The following SOX6 variants were observed in gnomAD, a reference collection of about 807,000 sequenced individuals.
The protein encoded by SOX6 is transcription factor SOX-6.
A neutral mutation model predicts 97.8 loss-of-function variants in SOX6; 11 were observed. That is an observed-to-expected ratio of 0.11 (90% CI 0.07 to 0.19). SOX6 has a LOEUF of 0.19. SOX6 is among the 10% of genes least tolerant of loss of function. The probability of loss-of-function intolerance (pLI) is 1.00; values close to 1 mark genes in which losing one functional copy is unlikely to be tolerated. For missense variants in SOX6, 810 were observed against 1,039.5 expected (o/e 0.78, Z 3.04); for synonymous variants, 360 against 371.4 (o/e 0.97, Z 0.35).
At chr11:16,375,832 C>T (rs962696515) in intron 1 of SOX6, among the ~76,000 whole-genome samples, 5 of 152,076 alleles carry the variant, frequency 3.3e-5, no homozygotes, top group African/African-American at 1.2e-4. Context: ...CACATATACA[C>T]CATGGAATAC....
chr11:16,365,551 AG>A (rs1203868760), intron 1 of SOX6, among the ~76,000 whole-genome samples: 3 of 152,112 alleles, frequency 2.0e-5, no homozygotes, highest in Non-Finnish European at 2.9e-5. Flanking sequence ...AAATCAGGCC[AG>A]AGTTTAGGAG....
chr11:16,332,896 T>A (rs1186353270), intron 2 of SOX6, among the ~76,000 whole-genome samples: 1 of 152,200 alleles, frequency 6.6e-6, no homozygotes, highest in Non-Finnish European at 1.5e-5. Context: ...GCAAGGAAAC[T>A]TTTTTGCAGA....
intron 4 of SOX6, among the ~76,000 whole-genome samples, chr11:16,552,312 A>C (rs1407599313): frequency 1.3e-5 from 2 of 152,216 alleles, no homozygotes; most frequent in Non-Finnish European, 2.9e-5. Context: ...TTTAAAAACA[A>C]AGTCCACTAT....
At chr11:16,371,678 C>T (rs1453352326) in intron 1 of SOX6, among the ~76,000 whole-genome samples, 1 of 152,092 alleles carries the variant, frequency 6.6e-6, no homozygotes, top group African/African-American at 2.4e-5. Flanking sequence ...TTATGTGATA[C>T]ATGTTGCATA....
intron 4 of SOX6, chr11:16,484,108 G>C (rs1387010563): frequency 2.3e-5 from 18 of 770,260 alleles, no homozygotes; most frequent in Non-Finnish European, 3.4e-5. Flanking sequence ...TGAGGTACAG[G>C]TGACACTCAA....
chr11:16,553,615 G>A (rs533106571), intron 4 of SOX6, among the ~76,000 whole-genome samples: 3 of 150,550 alleles, frequency 2.0e-5, no homozygotes, highest in Admixed American at 6.6e-5. Flanking sequence ...GTCTGGACCC[G>A]GTGTATATAA....
chr11:16,413,309 T>C (rs1858859839), intron 1 of SOX6, among the ~76,000 whole-genome samples: 1 of 152,112 alleles, frequency 6.6e-6, no homozygotes, highest in African/African-American at 2.4e-5. Context: ...CAAGTAATCA[T>C]TCCATCATCC....
At chr11:16,000,854 T>G (rs1461214920) in intron 13 of SOX6, among the ~76,000 whole-genome samples, 1 of 151,958 alleles carries the variant, frequency 6.6e-6, no homozygotes. Context: ...TTTATTTATT[T>G]TATTTTATTT....
chr11:16,561,072 C>T (rs1847809928), intron 4 of SOX6, among the ~76,000 whole-genome samples: 1 of 151,788 alleles, frequency 6.6e-6, no homozygotes, highest in Non-Finnish European at 1.5e-5. Flanking sequence ...TACTAAAGAA[C>T]TTATCCATGT....
chr11:16,576,790 A>G (rs947917977), intron 4 of SOX6: 2 of 152,238 alleles, frequency 1.3e-5, no homozygotes, highest in Admixed American at 1.3e-4. Flanking sequence ...GATATTACAG[A>G]TATTACAGAT....
chr11:16,196,245 A>T (rs1851770471), intron 4 of SOX6, among the ~76,000 whole-genome samples: 1 of 152,226 alleles, frequency 6.6e-6, no homozygotes, highest in Non-Finnish European at 1.5e-5. Context: ...TGAAGCATGC[A>T]AAAGTAACGC....
At chr11:16,021,517 T>C (rs1243012479) in intron 12 of SOX6, among the ~76,000 whole-genome samples, 1 of 152,138 alleles carries the variant, frequency 6.6e-6, no homozygotes, top group Non-Finnish European at 1.5e-5. Context: ...CATGTACTTT[T>C]AAAGGTGATT....
chr11:16,052,523 T>C (rs769974994), intron 10 of SOX6, among the ~76,000 whole-genome samples: 10 of 152,156 alleles, frequency 6.6e-5, no homozygotes, highest in Non-Finnish European at 7.4e-5. Flanking sequence ...TCTCTTATAA[T>C]AGTTGTTTTT....
chr11:16,727,746 C>T (rs1424966840), intron 2 of SOX6, among the ~76,000 whole-genome samples: 1 of 151,982 alleles, frequency 6.6e-6, no homozygotes, highest in Non-Finnish European at 1.5e-5. Context: ...AGACATATTA[C>T]TTTTATAACC....
At chr11:16,503,224 CT>C (rs1860735348) in intron 4 of SOX6, among the ~76,000 whole-genome samples, 2 of 151,428 alleles carry the variant, frequency 1.3e-5, no homozygotes, top group South Asian at 4.2e-4. Flanking sequence ...AGTTCTACCC[CT>C]GGAAGTGATA....
chr11:16,196,235 T>C (rs1851770039), intron 4 of SOX6, among the ~76,000 whole-genome samples: 1 of 152,206 alleles, frequency 6.6e-6, no homozygotes, highest in Non-Finnish European at 1.5e-5. Flanking sequence ...ACAAGGAAAC[T>C]GAAGCATGCA....
chr11:16,191,901 A>C (rs1397554484), intron 4 of SOX6, among the ~76,000 whole-genome samples: 1 of 127,070 alleles, frequency 7.9e-6, no homozygotes, highest in African/African-American at 3.0e-5. Flanking sequence ...GGTCGTCTTT[A>C]TCCCCAAACC....
chr11:16,206,225 A>G (rs1418920100), intron 4 of SOX6, among the ~76,000 whole-genome samples: 1 of 152,124 alleles, frequency 6.6e-6, no homozygotes, highest in African/African-American at 2.4e-5. Context: ...AATTTCTTTT[A>G]CATTATAACT....
intron 6 of SOX6, among the ~76,000 whole-genome samples, chr11:16,145,620 A>G (rs891886425): frequency 6.6e-6 from 1 of 152,170 alleles, no homozygotes; most frequent in African/African-American, 2.4e-5. Flanking sequence ...TCAGCCCAAA[A>G]TCTCCTTAAG....
Sources: gnomAD v4.1 joint callset for allele counts (sites outside exome capture counted in the v4.1 genomes callset) on GRCh38, gnomAD v4.1.1 for gene constraint, MANE v1.5 for transcripts, NCBI Gene and HGNC (gene_info 2026-07-23, HGNC 2026-07-21) for gene names.